Variants in ROBO1 observed in about 807,000 individuals in gnomAD.
ROBO1 encodes the protein roundabout guidance receptor 1.
In ROBO1, 149 loss-of-function variants were observed where a neutral mutation model predicts 195.9. The observed-to-expected ratio is 0.76, with a 90% CI of 0.67 to 0.87. The LOEUF (loss-of-function observed/expected upper bound fraction) is 0.87. Ranked by LOEUF, ROBO1 falls within the 40% of genes least tolerant of loss-of-function variation. The pLI is 0.00. For synonymous variants in ROBO1, 816 were observed against 733.2 expected, an observed-to-expected ratio of 1.11 and a Z score of -1.82; for missense variants, 1,933 against 2,068.3, an observed-to-expected ratio of 0.93 and a Z score of 1.27.
At chr3:79,099,328 C>T (rs1194211724) in intron 3 of ROBO1, among the ~76,000 whole-genome samples, 1 of 151,678 alleles carries the variant, frequency 6.6e-6, no homozygotes, top group Non-Finnish European at 1.5e-5. Context: ...GAGGTGCAAA[C>T]AGTCTAGGAA....
chr3:79,294,385 T>C (rs2032457294), intron 2 of ROBO1, among the ~76,000 whole-genome samples: 1 of 152,254 alleles, frequency 6.6e-6, no homozygotes, highest in African/African-American at 2.4e-5. Flanking sequence ...TTGGGAAAAC[T>C]GGCTAGCCAT....
chr3:78,816,205 T>C (rs913292775), intron 4 of ROBO1, among the ~76,000 whole-genome samples: 13 of 152,172 alleles, frequency 8.5e-5, no homozygotes, highest in African/African-American at 3.1e-4. Context: ...TTATGAATTA[T>C]GATAAAGCTA....
intron 2 of ROBO1, among the ~76,000 whole-genome samples, chr3:79,151,300 C>T (rs190573321): frequency 3.3e-5 from 5 of 151,518 alleles, no homozygotes; most frequent in Admixed American, 2.6e-4. Flanking sequence ...CCAAAGAATG[C>T]AATCCTCTAC....
At chr3:79,670,234 G>A (rs1946592774) in intron 1 of ROBO1, among the ~76,000 whole-genome samples, 1 of 151,822 alleles carries the variant, frequency 6.6e-6, no homozygotes, top group Admixed American at 6.6e-5. Flanking sequence ...CCTAAGTCAT[G>A]GTTCATGTTC....
rs138585629 is a variant in ROBO1, at chr3:79,032,179, C to T, written c.173-93252G>A. 3.1e-3 allele frequency among the ~76,000 whole-genome samples: 478 copies of T among 151,982 alleles called. 7 individuals are homozygous for T. The highest frequency in any genetic ancestry group is 9.9e-3 in the African/African-American group (412 of 41,488). ...TTAAAGCTAGGAGGTCCAGACATTCCCTGACCTTATAACAACGATATGTAT... is the reference window on the plus strand; with the variant it reads ...TTAAAGCTAGGAGGTCCAGACATTCTCTGACCTTATAACAACGATATGTAT... On this transcript the variant is annotated intron_variant, in intron 3 of 30. Coordinates refer to ENST00000464233, the MANE Select transcript of ROBO1 (RefSeq NM_002941.4).
At chr3:79,428,899 TTGATA>T (rs2038561989) in intron 2 of ROBO1, among the ~76,000 whole-genome samples, 1 of 151,812 alleles carries the variant, frequency 6.6e-6, no homozygotes, top group Admixed American at 6.6e-5. Flanking sequence ...AAAAATGTAA[TTGATA>T]TGATGTTTTA....
chr3:78,712,210 T>G (rs1337565287), intron 8 of ROBO1, among the ~76,000 whole-genome samples: 1 of 152,120 alleles, frequency 6.6e-6, no homozygotes, highest in African/African-American at 2.4e-5. Context: ...AATTAAATAC[T>G]CATTGTATGA....
intron 2 of ROBO1, among the ~76,000 whole-genome samples, chr3:79,455,551 C>G (rs2039591645): frequency 6.6e-6 from 1 of 151,934 alleles, no homozygotes; most frequent in African/African-American, 2.4e-5. Context: ...ACCTATAATT[C>G]CTTCATGTGT....
At chr3:79,678,854 T>G (rs1022753077) in intron 1 of ROBO1, among the ~76,000 whole-genome samples, 2 of 152,116 alleles carry the variant, frequency 1.3e-5, no homozygotes, top group African/African-American at 4.8e-5. Flanking sequence ...GGCAACCAAC[T>G]GCTTTGATGA....
intron 2 of ROBO1, among the ~76,000 whole-genome samples, chr3:79,498,999 A>T (rs1489791169): frequency 6.6e-6 from 1 of 152,096 alleles, no homozygotes. Flanking sequence ...AATTTTTATT[A>T]ACTTTTGTGT....
At chr3:79,226,353 AAC>A (rs1412530901) in intron 2 of ROBO1, among the ~76,000 whole-genome samples, 1 of 152,090 alleles carries the variant, frequency 6.6e-6, no homozygotes, top group Non-Finnish European at 1.5e-5. Flanking sequence ...AGAGGAACTA[AAC>A]ACTGTTCATT....
At chr3:78,953,853 G>A (rs904809207) in intron 3 of ROBO1, among the ~76,000 whole-genome samples, 3 of 151,960 alleles carry the variant, frequency 2.0e-5, no homozygotes, top group Non-Finnish European at 4.4e-5. Context: ...AAGTTCTAAT[G>A]CACAAAATAA....
intron 2 of ROBO1, among the ~76,000 whole-genome samples, chr3:79,272,353 C>A (rs2030641498): frequency 6.6e-6 from 1 of 151,920 alleles, no homozygotes; most frequent in Non-Finnish European, 1.5e-5. Flanking sequence ...GATGATGGAG[C>A]AAGATGGCCA....
At chr3:79,533,773 G>A (rs1941748607) in intron 2 of ROBO1, among the ~76,000 whole-genome samples, 1 of 152,134 alleles carries the variant, frequency 6.6e-6, no homozygotes, top group South Asian at 2.1e-4. Flanking sequence ...GGACTGTACT[G>A]TGTTTACTAT....
At chr3:79,378,683 T>C (rs1250530943) in intron 2 of ROBO1, among the ~76,000 whole-genome samples, 1 of 152,248 alleles carries the variant, frequency 6.6e-6, no homozygotes, top group African/African-American at 2.4e-5. Flanking sequence ...TTACTGTTTT[T>C]AAATTGCATA....
intron 30 of ROBO1, 68 bp downstream of exon 30, chr3:78,600,045 G>A: frequency 8.1e-7 from 1 of 1,239,680 alleles, no homozygotes; most frequent in Non-Finnish European, 1.2e-6. Flanking sequence ...GTACACTGAT[G>A]AAGGTTCCTA....
chr3:79,190,804 C>T (rs973970961), intron 2 of ROBO1, among the ~76,000 whole-genome samples: 13 of 151,472 alleles, frequency 8.6e-5, no homozygotes, highest in Admixed American at 7.9e-4. Flanking sequence ...CCATCTCATG[C>T]GGATTATGTT....
At position 78,597,935 on chromosome 3, in the gene ROBO1, T is replaced by C. The variant is rs538308245; in HGVS notation, c.*978A>G. The C allele has an allele frequency of 2.1e-5, 3 of 140,530 alleles. No homozygotes were observed. Among genetic ancestry groups the C allele is most frequent in the South Asian group, 4.6e-4 (2 of 4,338 alleles). 8.7% of individuals were successfully genotyped at this position (140,530 alleles called of 1,614,324 possible). On this transcript the variant is annotated 3_prime_UTR_variant, in exon 31 of 31. Transcript: ENST00000464233. ...ATGGTTTACAAATAAAGTTTAGTGA[T>C]TGTGCTTTTAAAACCAAAAAAAAAA... is the stretch of plus-strand genomic sequence containing the variant.
At chr3:78,888,866 A>G (rs2036719641) in intron 4 of ROBO1, among the ~76,000 whole-genome samples, 2 of 152,184 alleles carry the variant, frequency 1.3e-5, no homozygotes, top group African/African-American at 4.8e-5. Context: ...ATTAAGATTG[A>G]TTTAAGATAT....
Sources: gnomAD v4.1 joint callset for allele counts (sites outside exome capture counted in the v4.1 genomes callset) on GRCh38, gnomAD v4.1.1 for gene constraint, MANE v1.5 for transcripts, NCBI Gene and HGNC (gene_info 2026-07-23, HGNC 2026-07-21) for gene names.